The following KLHL7 variants were observed in gnomAD, a reference collection of about 807,000 sequenced individuals.
KLHL7 encodes kelch-like protein 7.
KLHL7 carries 44 observed loss-of-function variants against 67.4 expected under a neutral mutation model. The observed-to-expected ratio is 0.65, with a 90% CI of 0.51 to 0.84. The LOEUF is 0.84. KLHL7 is among the 40% of genes least tolerant of loss of function. The pLI is 0.00. For missense variants in KLHL7, 362 were observed against 718.1 expected, an observed-to-expected ratio of 0.50 and a Z score of 5.67; for synonymous variants, 252 against 243.3, an observed-to-expected ratio of 1.04 and a Z score of -0.33.
chr7:23,117,761 CT>C (rs368942629), intron 1 of KLHL7: 4 of 1,362,980 alleles, frequency 2.9e-6, no homozygotes, highest in African/African-American at 1.5e-5. Flanking sequence ...TTTATTGAAG[CT>C]TTTCTAGTAA....
intron 7 of KLHL7, among the ~76,000 whole-genome samples, chr7:23,161,518 A>G (rs1337117591): frequency 2.0e-5 from 3 of 152,202 alleles, no homozygotes; most frequent in African/African-American, 7.2e-5. Context: ...AATTCCTAGG[A>G]GAAAAATTGC....
chr7:23,124,579 A>G, intron 2 of KLHL7, 109 bp from the exon 3 acceptor site: 1 of 740,416 alleles, frequency 1.4e-6, no homozygotes, highest in Non-Finnish European at 2.5e-6. Context: ...TTCCAGAGAG[A>G]ACTGTCCCGT....
chr7:23,167,993 G>A lies in KLHL7; in HGVS notation c.1335G>A (p.Gly445=), dbSNP rs1324074773. The part of the protein sequence containing the change: ...CGGSLGNNVS[G]RVLNSCEVYD... ...GAAGTTTAGGAAACAATGTTTCTGG[G>A]AGAGTGCTTAATTCCTGTGAAGTTT... Residue 445 remains glycine, a synonymous_variant, in exon 9 of 11, where the codon GGG becomes GGA. Coordinates refer to ENST00000339077, the MANE Select transcript of KLHL7 (RefSeq NM_001031710.3). 2 of 1,614,124 alleles carry A rather than the reference G, an allele frequency of 1.2e-6. No individual in the cohort carries two copies. The highest frequency in any genetic ancestry group is 1.7e-5 in the Admixed American group (1 of 60,004).
At chr7:23,152,325 G>T in intron 7 of KLHL7, 116 bp downstream of exon 7, 1 of 935,962 alleles carries the variant, frequency 1.1e-6, no homozygotes, top group South Asian at 1.4e-5. Context: ...AGTTTATGGT[G>T]TTCTTTCACA....
At chr7:23,150,569 A>G (rs139667070) in intron 6 of KLHL7, among the ~76,000 whole-genome samples, 2 of 152,204 alleles carry the variant, frequency 1.3e-5, no homozygotes, top group Non-Finnish European at 2.9e-5. Flanking sequence ...TCTATTGTAT[A>G]GACATAGCAT....
In KLHL7 at chr7:23,175,379, C is replaced by T; in HGVS notation, c.*1081C>T. 4.4e-6 allele frequency: 2 copies of T among 451,756 alleles called. No homozygotes were observed. Among genetic ancestry groups the T allele is most frequent in the South Asian group, 3.2e-5 (2 of 63,264 alleles). The allele number at this position is 451,756 out of a possible 1,614,324, so 28.0% of individuals were successfully genotyped here. A position where few individuals can be genotyped will look rare whatever the true frequency, so the allele number is the denominator to read the frequency against. On this transcript the variant is annotated 3_prime_UTR_variant, in exon 11 of 11. Coordinates refer to ENST00000339077, the MANE Select transcript of KLHL7 (RefSeq NM_001031710.3). ...ATGAAACATGTAAAGCTGTCACAAT[C>T]AATGTTTTTATCTGATAATATTAAA...
chr7:23,118,169 G>A (rs1281232804), intron 1 of KLHL7, among the ~76,000 whole-genome samples: 4 of 152,226 alleles, frequency 2.6e-5, no homozygotes, highest in Non-Finnish European at 5.9e-5. Context: ...ACCAACAGAT[G>A]CCTAAAATGT....
chr7:23,116,999 CTAT>C (rs1783113676), intron 1 of KLHL7, among the ~76,000 whole-genome samples: 1 of 150,234 alleles, frequency 6.7e-6, no homozygotes, highest in Non-Finnish European at 1.5e-5. Context: ...TATAGTTGTC[CTAT>C]TCTTTAAGAG....
At chr7:23,147,381 A>G (rs1784392099) in intron 6 of KLHL7, among the ~76,000 whole-genome samples, 2 of 151,922 alleles carry the variant, frequency 1.3e-5, no homozygotes, top group East Asian at 1.9e-4. Flanking sequence ...TGAGCCACCA[A>G]CGCTGGCCTA....
Position 23,106,145 on chromosome 7 carries a change from A to G in KLHL7, c.119A>G (p.Gln40Arg), listed in dbSNP as rs773560430. 1.2e-6 allele frequency: 2 copies of G among 1,609,890 alleles called. No homozygotes were observed. Among genetic ancestry groups the G allele is most frequent in the South Asian group, 1.1e-5 (1 of 90,122 alleles). Residue 40 changes from glutamine to arginine, a missense_variant and splice_region_variant, in exon 1 of 11, where the codon CAG becomes CGG. Gln to Arg is a conservative substitution (Grantham distance 43). Around this residue, in one of 5 missense-constraint regions of KLHL7, gnomAD observed 57 missense variants for 81.7 expected, o/e 0.70. Coordinates refer to ENST00000339077, the MANE Select transcript of KLHL7 (RefSeq NM_001031710.3). Reference sequence around the variant, plus strand: ...GGCGTCATGAATAACATGCGGAAACAGGTACCGCCTCTGTGGGAGTGACGG... The same window carrying G: ...GGCGTCATGAATAACATGCGGAAACGGGTACCGCCTCTGTGGGAGTGACGG... ...FMGVMNNMRK[Q>R]KTLCDVILMV...
rs532149474 is a variant in KLHL7, at chr7:23,106,168, C to A, written c.120+22C>A. ...ACAGGTACCGCCTCTGTGGGAGTGA[C>A]GGACGACGGTGGGAGGTGGTCCGGG... On this transcript the variant is annotated intron_variant, in intron 1 of 10. Transcript: ENST00000339077. 3 of 1,607,030 alleles carry A rather than the reference C, an allele frequency of 1.9e-6. No individual in the cohort carries two copies. The South Asian group carries it at 3.3e-5, about 18-fold the overall frequency.
intron 1 of KLHL7, chr7:23,117,808 G>A (rs751346356): frequency 1.9e-6 from 3 of 1,577,944 alleles, no homozygotes; most frequent in African/African-American, 1.4e-5. Context: ...ATCTAATAAG[G>A]GCCTCATTTC....
rs1453603776 is a variant in KLHL7 at position 23,173,998 on chromosome 7, G to C, written c.1478-17G>C. ...TGATATAGTTTTTCATGTTGTTCAT[G>C]TTTTATTCTTTTGAAGGTGGTCTGG... On this transcript the variant is annotated splice_polypyrimidine_tract_variant and intron_variant, in intron 10 of 10. Coordinates refer to ENST00000339077, the MANE Select transcript of KLHL7 (RefSeq NM_001031710.3). The C allele has an allele frequency of 1.2e-6, 2 of 1,612,022 alleles. No homozygotes were observed. Among genetic ancestry groups the C allele is most frequent in the Non-Finnish European group, 1.7e-6 (2 of 1,178,212 alleles).
intron 1 of KLHL7, among the ~76,000 whole-genome samples, chr7:23,113,221 A>G (rs1464585872): frequency 6.6e-6 from 1 of 152,194 alleles, no homozygotes; most frequent in Non-Finnish European, 1.5e-5. Flanking sequence ...TTTGCGAAGA[A>G]TAGAAATGGT....
intron 4 of KLHL7, among the ~76,000 whole-genome samples, chr7:23,135,395 T>TA (rs1783941783): frequency 1.3e-5 from 2 of 152,188 alleles, no homozygotes; most frequent in Non-Finnish European, 2.9e-5. Flanking sequence ...AGGAAAAGGA[T>TA]GTGTATTCTA....
intron 4 of KLHL7, among the ~76,000 whole-genome samples, chr7:23,138,461 T>TA (rs60497553): frequency 0.042 from 2,676 of 63,030 alleles, 91 homozygotes; most frequent in Non-Finnish European, 0.06. Context: ...GACTCCATCT[T>TA]AAAAAAAAAA....
At chr7:23,127,956 A>T (rs1038007218) in intron 4 of KLHL7, among the ~76,000 whole-genome samples, 9 of 151,752 alleles carry the variant, frequency 5.9e-5, no homozygotes, top group African/African-American at 2.2e-4. Context: ...AGGCAAATTT[A>T]ATGTGAGAAA....
At chr7:23,108,978 A>G (rs942839467) in intron 1 of KLHL7, among the ~76,000 whole-genome samples, 7 of 152,202 alleles carry the variant, frequency 4.6e-5, no homozygotes, top group Non-Finnish European at 7.3e-5. Flanking sequence ...GACTAGTACT[A>G]CTTTGAACAT....
At chr7:23,131,733 C>CT (rs59719158) in intron 4 of KLHL7, among the ~76,000 whole-genome samples, 1,587 of 125,212 alleles carry the variant, frequency 0.013, 19 homozygotes, top group South Asian at 0.024. Flanking sequence ...CTTATTTATT[C>CT]TTTTTTTTTT....
Sources: gnomAD v4.1 joint callset for allele counts (sites outside exome capture counted in the v4.1 genomes callset) on GRCh38, gnomAD v4.1.1 for gene constraint, gnomAD v4.1.1 regional missense constraint, MANE v1.5 for transcripts, NCBI Gene and HGNC (gene_info 2026-07-23, HGNC 2026-07-21) for gene names.